Variants in SMCHD1 observed in about 807,000 individuals in gnomAD.
SMCHD1 encodes structural maintenance of chromosomes flexible hinge domain containing 1.
In SMCHD1, 78 loss-of-function variants were observed where a neutral mutation model predicts 254.7. The observed-to-expected ratio is 0.31, with a 90% CI of 0.26 to 0.37. The LOEUF is 0.37. Among genes scored for constraint, SMCHD1 ranks in the 10% least tolerant of loss-of-function variants. The pLI, the probability that SMCHD1 is intolerant of heterozygous loss-of-function variation, is 1.00. For missense variants in SMCHD1, 1,840 were observed against 2,408.1 expected (o/e 0.76, Z 4.94); for synonymous variants, 766 against 794.9 (o/e 0.96, Z 0.61).
intron 23 of SMCHD1, chr18:2,728,873 A>G (rs2075078488): frequency 3.4e-6 from 1 of 290,914 alleles, no homozygotes; most frequent in African/African-American, 2.2e-5. Context: ...TATGAATAGA[A>G]AGACAAAAAT....
intron 24 of SMCHD1, among the ~76,000 whole-genome samples, chr18:2,730,984 C>T (rs181951988): frequency 1.1e-4 from 17 of 152,318 alleles, no homozygotes; most frequent in Admixed American, 6.5e-5. Flanking sequence ...GGCATTAGGA[C>T]TTTTGTAAAT....
At chr18:2,752,455 C>T (rs1390467720) in intron 33 of SMCHD1, 33 bp from the exon 34 acceptor site, 1 of 1,476,792 alleles carries the variant, frequency 6.8e-7, no homozygotes, top group Non-Finnish European at 9.5e-7. Context: ...TGTCATTTTC[C>T]CCTCTCCCCT....
At chr18:2,748,341 GTTGTGTGT>G (rs1568300305) in intron 30 of SMCHD1, among the ~76,000 whole-genome samples, 3 of 100,352 alleles carry the variant, frequency 3.0e-5, no homozygotes, top group Non-Finnish European at 5.6e-5. Context: ...TCTTTGCAAA[GTTGTGTGT>G]GTGTGTGTGT....
chr18:2,778,295 T>TA (rs2076099542), intron 44 of SMCHD1, 56 bp downstream of exon 44: 1 of 1,231,704 alleles, frequency 8.1e-7, no homozygotes, highest in African/African-American at 1.5e-5. Context: ...GTGTATCATG[T>TA]CCATTTGATG....
chr18:2,656,918 G>A (rs2073084361), intron 1 of SMCHD1, among the ~76,000 whole-genome samples: 1 of 152,180 alleles, frequency 6.6e-6, no homozygotes, highest in East Asian at 1.9e-4. Flanking sequence ...GGTTGGTATG[G>A]GTGGCTGTGG....
At chr18:2,753,931 A>T (rs2143640106) in intron 34 of SMCHD1, among the ~76,000 whole-genome samples, 1 of 151,964 alleles carries the variant, frequency 6.6e-6, no homozygotes, top group Admixed American at 6.6e-5. Flanking sequence ...CATCACACTT[A>T]CTCTTAATTT....
intron 17 of SMCHD1, among the ~76,000 whole-genome samples, chr18:2,709,839 A>G (rs1260964707): frequency 1.3e-5 from 2 of 151,904 alleles, no homozygotes; most frequent in Non-Finnish European, 2.9e-5. Context: ...ATTTTCTTCC[A>G]CTCTGTGGGT....
chr18:2,684,534 T>G, intron 5 of SMCHD1, among the ~76,000 whole-genome samples: 1 of 152,212 alleles, frequency 6.6e-6, no homozygotes, highest in East Asian at 1.9e-4. Context: ...TATTTGTGTC[T>G]TAATATTTAA....
At chr18:2,677,347 A>G (rs181038831) in intron 5 of SMCHD1, among the ~76,000 whole-genome samples, 1 of 152,308 alleles carries the variant, frequency 6.6e-6, no homozygotes, top group East Asian at 1.9e-4. Context: ...ATTAATTTCT[A>G]GGGTTCAATA....
chr18:2,697,486 T>C (rs79901168), intron 9 of SMCHD1, among the ~76,000 whole-genome samples: 2,973 of 152,330 alleles, frequency 0.02, 38 homozygotes, highest in Middle Eastern at 0.034. Flanking sequence ...CATTTGAGTA[T>C]TGGATTCTCA....
At chr18:2,737,774 G>C (rs1354196518) in intron 25 of SMCHD1, among the ~76,000 whole-genome samples, 1 of 152,116 alleles carries the variant, frequency 6.6e-6, no homozygotes, top group Admixed American at 6.6e-5. Context: ...CTAAATAAAA[G>C]TAGAGAGAAA....
rs2074382246 is a variant in SMCHD1, at chr18:2,700,696, C to A, written c.1463+37C>A. Reference sequence around the variant, plus strand: ...TTTTGCTGAAATTATGTTTTTACAACTTAATTCTTTTACTAACTAACATTT... The same window carrying A: ...TTTTGCTGAAATTATGTTTTTACAAATTAATTCTTTTACTAACTAACATTT... On this transcript the variant is annotated intron_variant, in intron 11 of 47. Coordinates refer to ENST00000320876, the MANE Select transcript of SMCHD1 (RefSeq NM_015295.3). The A allele has an allele frequency of 1.9e-6, 3 of 1,603,432 alleles. No individual in the cohort carries two copies. In the East Asian group the frequency reaches 6.7e-5, roughly 36 times the overall value.
intron 32 of SMCHD1, 97 bp from the exon 33 acceptor site, chr18:2,751,181 C>A: frequency 3.0e-6 from 2 of 656,152 alleles, no homozygotes; most frequent in Non-Finnish European, 5.2e-6. Flanking sequence ...GTGCTTTAAA[C>A]ATTTAAATAA....
chr18:2,683,920 A>C (rs1300802810), intron 5 of SMCHD1, among the ~76,000 whole-genome samples: 1 of 152,150 alleles, frequency 6.6e-6, no homozygotes, highest in East Asian at 1.9e-4. Flanking sequence ...TTATATATGA[A>C]ATGGGTTTCT....
chr18:2,717,252 T>C (rs2074821756), intron 17 of SMCHD1, among the ~76,000 whole-genome samples: 1 of 152,198 alleles, frequency 6.6e-6, no homozygotes, highest in Non-Finnish European at 1.5e-5. Context: ...CTGGCTTCAG[T>C]TGCTCTCTTC....
intron 45 of SMCHD1, among the ~76,000 whole-genome samples, chr18:2,793,390 G>A (rs1486328918): frequency 6.6e-6 from 1 of 152,060 alleles, no homozygotes; most frequent in African/African-American, 2.4e-5. Flanking sequence ...GAGGCCAGGC[G>A]CAGTGGCTCA....
intron 3 of SMCHD1, among the ~76,000 whole-genome samples, chr18:2,670,400 G>A (rs2073562258): frequency 6.6e-6 from 1 of 151,954 alleles, no homozygotes; most frequent in South Asian, 2.1e-4. Context: ...TTCCTTCTGT[G>A]TCTTTACTGT....
At chr18:2,678,575 C>T (rs2073831475) in intron 5 of SMCHD1, among the ~76,000 whole-genome samples, 1 of 152,102 alleles carries the variant, frequency 6.6e-6, no homozygotes, top group African/African-American at 2.4e-5. Context: ...CCTCGGCCTC[C>T]CAAAGGACTG....
At chr18:2,667,821 T>C (rs2073480458) in intron 3 of SMCHD1, among the ~76,000 whole-genome samples, 1 of 152,192 alleles carries the variant, frequency 6.6e-6, no homozygotes, top group African/African-American at 2.4e-5. Flanking sequence ...TTTTAATATA[T>C]ATGTCTCTGT....
Sources: allele counts gnomAD v4.1 joint callset (sites outside exome capture counted in the v4.1 genomes callset), GRCh38; gene constraint gnomAD v4.1.1; transcripts MANE v1.5; gene names NCBI Gene and HGNC (gene_info 2026-07-23, HGNC 2026-07-21).